FANCI: variants seen among roughly 807,000 people sequenced by gnomAD.
FANCI encodes the protein FA complementation group I.
A neutral mutation model predicts 176.1 loss-of-function variants in FANCI; 156 were observed. The observed-to-expected ratio is 0.89, with a 90% CI of 0.78 to 1.01. FANCI has a LOEUF of 1.01. Among genes scored for constraint, FANCI ranks in the 50% least tolerant of loss-of-function variants. The pLI is 0.00. For synonymous variants in FANCI, 613 were observed against 541.7 expected (o/e 1.13, Z -1.83); for missense variants, 1,678 against 1,534.1 (o/e 1.09, Z -1.57).
At chr15:89,289,316 C>T (rs182778082) in intron 18 of FANCI, among the ~76,000 whole-genome samples, 106 of 152,092 alleles carry the variant, frequency 7.0e-4, no homozygotes, top group African/African-American at 2.5e-3. Flanking sequence ...CCTTTCCTTT[C>T]CGATGGAGTC....
intron 19 of FANCI, chr15:89,290,486 G>T (rs1047879188): frequency 3.5e-6 from 2 of 570,236 alleles, no homozygotes; most frequent in African/African-American, 3.8e-5. Flanking sequence ...TCATCTAGCA[G>T]TTATCCTTGT....
At chr15:89,311,406 G>C (rs2054955066) in intron 34 of FANCI, among the ~76,000 whole-genome samples, 1 of 152,172 alleles carries the variant, frequency 6.6e-6, no homozygotes, top group Admixed American at 6.5e-5. Flanking sequence ...GCGACAGAGT[G>C]AAACTCCACC....
In FANCI at chr15:89,303,878, A is replaced by G. The variant is rs1481911176; in HGVS notation, c.3021A>G (p.Leu1007=). 2 of 1,614,034 alleles carry G rather than the reference A, an allele frequency of 1.2e-6. No individual in the cohort carries two copies. The highest frequency in any genetic ancestry group is 2.2e-5 in the East Asian group (1 of 44,864). The change falls in exon 28 of 38, where the codon TTA becomes TTG. Residue 1007 remains leucine (L), a synonymous_variant. Transcript: ENST00000310775. The part of the protein sequence containing the change: ...EPSSPQFVQM[L]SWTSKICKEN... ...CTCTAATTTAGTTTGTGCAGATGTT[A>G]TCCTGGACATCAAAGATTTGCAAGG...
chr15:89,309,554 A>AC (rs1281851748), intron 34 of FANCI, among the ~76,000 whole-genome samples: 6 of 152,176 alleles, frequency 3.9e-5, no homozygotes, highest in Admixed American at 2.6e-4. Context: ...ACATAGTGAG[A>AC]CCCCGTCTCT....
At chr15:89,270,872 G>A (rs953498423) in intron 10 of FANCI, among the ~76,000 whole-genome samples, 2 of 152,236 alleles carry the variant, frequency 1.3e-5, no homozygotes, top group South Asian at 2.1e-4. Context: ...CCTGATGCTA[G>A]CCATGTCTCT....
intron 34 of FANCI, among the ~76,000 whole-genome samples, chr15:89,308,597 A>G (rs1041687541): frequency 3.7e-4 from 57 of 152,292 alleles, no homozygotes; most frequent in African/African-American, 1.3e-3. Context: ...ATATCATTCT[A>G]TCAGTAACTT....
intron 10 of FANCI, among the ~76,000 whole-genome samples, chr15:89,269,597 G>A (rs192123749): frequency 1.3e-5 from 2 of 152,000 alleles, no homozygotes; most frequent in African/African-American, 2.4e-5. Flanking sequence ...AGAATACTTC[G>A]TAAGTGATGT....
chr15:89,305,072 G>T (rs754520328), intron 28 of FANCI, 43 bp from the exon 29 acceptor site: 8 of 1,609,856 alleles, frequency 5.0e-6, no homozygotes, highest in Non-Finnish European at 6.8e-6. Context: ...CACTGCACTT[G>T]GCCACAACTT....
At chr15:89,267,318 C>A (rs545126829) in intron 9 of FANCI, among the ~76,000 whole-genome samples, 71 of 137,496 alleles carry the variant, frequency 5.2e-4, no homozygotes, top group African/African-American at 1.8e-3. Flanking sequence ...GAATCCTTGT[C>A]TCAAAAAAAA....
intron 34 of FANCI, among the ~76,000 whole-genome samples, chr15:89,309,451 G>A (rs2054867294): frequency 6.6e-6 from 1 of 152,128 alleles, no homozygotes; most frequent in African/African-American, 2.4e-5. Context: ...GTGTCCATTT[G>A]CATATTAAAG....
chr15:89,313,722 T>G (rs989068196), intron 35 of FANCI, among the ~76,000 whole-genome samples: 1 of 152,182 alleles, frequency 6.6e-6, no homozygotes, highest in African/African-American at 2.4e-5. Context: ...CAACATTATT[T>G]ATAAAAGTGA....
In FANCI at chr15:89,291,626, A is replaced by T; in HGVS notation, c.1904A>T (p.Tyr635Phe). The change falls in exon 20 of 38, where the codon TAT becomes TTT. Residue 635 changes from tyrosine to phenylalanine, a missense_variant. Physicochemically the swap from Tyr to Phe is conservative, Grantham distance 22 (BLOSUM62 3). Around this residue, in one of 3 missense-constraint regions of FANCI, gnomAD observed 1,204 missense variants for 1,077.4 expected, o/e 1.12. Transcript: ENST00000310775. ...QTLLSQLKQF[Y>F]EPKPDLLPPL... ...TACTATACACAGTTAAAACAGTTCT[A>T]TGAGCCAAAACCTGATCTGCTGCCT... The T allele has an allele frequency of 6.2e-7, 1 of 1,613,714 alleles. No homozygotes were observed. The highest frequency in any genetic ancestry group is 8.5e-7 in the Non-Finnish European group (1 of 1,179,768).
Position 89,261,845 on chromosome 15 carries a change from A to G in FANCI, c.470A>G (p.Lys157Arg). The change falls in exon 6 of 38, where the codon AAG becomes AGG. Residue 157 changes from lysine (K) to arginine (R), a missense_variant. By Grantham distance (26) the Lys-to-Arg change is conservative. Transcript: ENST00000310775. ...GGTGTACTGAGTGGGGAAGAATGTAAGAAACAGTTGATTAACACCCTGTGT... is the reference window on the plus strand; with the variant it reads ...GGTGTACTGAGTGGGGAAGAATGTAGGAAACAGTTGATTAACACCCTGTGT... Reference protein sequence around the residue: ...GKGVLSGEECKKQLINTLCSG... With the variant: ...GKGVLSGEECRKQLINTLCSG... 1 of 1,614,134 alleles carries G rather than the reference A, an allele frequency of 6.2e-7. No individual in the cohort carries two copies. Among genetic ancestry groups the G allele is most frequent in the Non-Finnish European group, 8.5e-7 (1 of 1,179,996 alleles).
chr15:89,295,046 A>T lies in FANCI; in HGVS notation c.2588A>T (p.Asp863Val). 1 of 1,552,122 alleles carries T rather than the reference A, an allele frequency of 6.4e-7. No individual in the cohort carries two copies. The highest frequency in any genetic ancestry group is 8.7e-7 in the Non-Finnish European group (1 of 1,147,102). Residue 863 changes from aspartate (D) to valine (V), a missense_variant, in exon 24 of 38, where the codon GAT becomes GTT. Asp to Val is a radical substitution (Grantham distance 152). Around this residue, in one of 3 missense-constraint regions of FANCI, gnomAD observed 1,204 missense variants for 1,077.4 expected, o/e 1.12. Coordinates refer to ENST00000310775, the MANE Select transcript of FANCI (RefSeq NM_001113378.2). ...GAAACAGGGCATGTGAGTGGCCCTG[A>T]TGGCCAAAACCCAGAAAAGATCTTT... ...LKETGHVSGPDGQNPEKIFQN... is the reference protein window; with the variant it reads ...LKETGHVSGPVGQNPEKIFQN...
intron 9 of FANCI, among the ~76,000 whole-genome samples, chr15:89,266,517 C>T (rs1316487360): frequency 6.6e-6 from 1 of 151,630 alleles, no homozygotes; most frequent in South Asian, 2.1e-4. Context: ...TTAGTAGAGA[C>T]GGGCTTTCAC....
intron 1 of FANCI, among the ~76,000 whole-genome samples, chr15:89,247,227 G>T (rs1337873627): frequency 6.6e-6 from 1 of 151,942 alleles, no homozygotes; most frequent in Non-Finnish European, 1.5e-5. Flanking sequence ...AGTGCTATTG[G>T]TTTATTCATT....
intron 11 of FANCI, among the ~76,000 whole-genome samples, chr15:89,273,679 C>G (rs1399786927): frequency 6.6e-6 from 1 of 152,160 alleles, no homozygotes; most frequent in Non-Finnish European, 1.5e-5. Context: ...GTTTATTCCT[C>G]CGTTTCCTGT....
chr15:89,265,315 C>G (rs1484065685), intron 9 of FANCI, among the ~76,000 whole-genome samples: 1 of 152,212 alleles, frequency 6.6e-6, no homozygotes, highest in Non-Finnish European at 1.5e-5. Context: ...TCAAGTGATT[C>G]TCCTGCCTCA....
In FANCI at chr15:89,307,667, G is replaced by C. The variant is rs978000003; in HGVS notation, c.3646G>C (p.Val1216Leu). Residue 1216 changes from valine (V) to leucine (L), a missense_variant, in exon 34 of 38, where the codon GTA (valine) becomes CTA (leucine). Physicochemically the swap from Val to Leu is conservative, Grantham distance 32. Around this residue, in one of 3 missense-constraint regions of FANCI, gnomAD observed 1,204 missense variants for 1,077.4 expected, o/e 1.12. Transcript: ENST00000310775. The part of the protein sequence containing the change: ...TPLCYSFISY[V>L]QNKSKSLNYT... ...CCTGTGTTATTCTTTCATTTCTTAC[G>C]TACAGGTAAGAGATTCAGAGGCAGT... 3 of 1,614,040 alleles carry C rather than the reference G, an allele frequency of 1.9e-6. No individual in the cohort carries two copies. The highest frequency in any genetic ancestry group is 2.2e-5 in the East Asian group (1 of 44,876).
Sources: gnomAD v4.1 joint callset for allele counts (sites outside exome capture counted in the v4.1 genomes callset) on GRCh38, gnomAD v4.1.1 for gene constraint, gnomAD v4.1.1 regional missense constraint, MANE v1.5 for transcripts, NCBI Gene and HGNC (gene_info 2026-07-23, HGNC 2026-07-21) for gene names.